ZC3H7B: variants seen among roughly 807,000 people sequenced by gnomAD.
ZC3H7B encodes zinc finger CCCH-type containing 7B, also known as zinc finger CCCH domain-containing protein 7B.
ZC3H7B carries 35 observed loss-of-function variants against 116.0 expected under a neutral mutation model. That is an observed-to-expected ratio of 0.30 (90% CI 0.23 to 0.40). ZC3H7B has a LOEUF of 0.40. ZC3H7B is among the 10% of genes least tolerant of loss of function. ZC3H7B has a pLI of 1.00. For missense variants in ZC3H7B, 1,011 were observed against 1,321.5 expected, an observed-to-expected ratio of 0.77 and a Z score of 3.64; for synonymous variants, 502 against 545.6, an observed-to-expected ratio of 0.92 and a Z score of 1.11.
chr22:41,330,970 G>A (rs1601778376), intron 6 of ZC3H7B, among the ~76,000 whole-genome samples: 3 of 141,830 alleles, frequency 2.1e-5, no homozygotes, highest in African/African-American at 5.2e-5. Flanking sequence ...CCGGGTTCAC[G>A]CCATTCTTCT....
intron 1 of ZC3H7B, among the ~76,000 whole-genome samples, chr22:41,317,955 C>T (rs2036206020): frequency 6.6e-6 from 1 of 152,204 alleles, no homozygotes; most frequent in South Asian, 2.1e-4. Flanking sequence ...AATAACTTTC[C>T]TAGCCTCTTG....
rs1237759511 is a variant in ZC3H7B, at chr22:41,358,802, A to C, written c.*1373A>C. 1.3e-5 allele frequency: 2 copies of C among 154,418 alleles called. No homozygotes were observed. Among genetic ancestry groups the C allele is most frequent in the African/African-American group, 4.9e-5 (2 of 41,232 alleles). The allele number at this position is 154,418 out of a possible 1,614,324, so 9.6% of individuals were successfully genotyped here. A position where few individuals can be genotyped will look rare whatever the true frequency, so the allele number is the denominator to read the frequency against. Reference sequence around the variant, plus strand: ...CTCCTCTCCACCCTACCTTCCATCAACCAGGGCAGATCCACCGTGCCCTGG... The same window carrying C: ...CTCCTCTCCACCCTACCTTCCATCACCCAGGGCAGATCCACCGTGCCCTGG... On this transcript the variant is annotated 3_prime_UTR_variant, in exon 23 of 23. Coordinates refer to ENST00000352645, the MANE Select transcript of ZC3H7B (RefSeq NM_017590.6).
intron 15 of ZC3H7B, among the ~76,000 whole-genome samples, 192 bp downstream of exon 15, chr22:41,348,359 T>TCGA (rs1298335124): frequency 6.6e-6 from 1 of 152,226 alleles, no homozygotes; most frequent in Non-Finnish European, 1.5e-5. Context: ...ATCTACTATA[T>TCGA]TCCAAGCGTC....
At chr22:41,343,664 C>G (rs552755283) in intron 13 of ZC3H7B, 88 bp downstream of exon 13, 10 of 1,448,366 alleles carry the variant, frequency 6.9e-6, no homozygotes, top group Non-Finnish European at 9.1e-6. Flanking sequence ...CACAGGTAGA[C>G]AGAACAGGGG....
chr22:41,306,014 A>AAAGCCAGAG, intron 1 of ZC3H7B, among the ~76,000 whole-genome samples: 1 of 152,328 alleles, frequency 6.6e-6, no homozygotes, highest in Admixed American at 6.5e-5. Context: ...GATAGGTTGA[A>AAAGCCAGAG]AAGCCAGAGA....
chr22:41,303,503 A>T (rs541096080), intron 1 of ZC3H7B, among the ~76,000 whole-genome samples: 4 of 152,212 alleles, frequency 2.6e-5, no homozygotes, highest in Non-Finnish European at 5.9e-5. Flanking sequence ...CCTCAATCTG[A>T]AAATAATAAT....
Position 41,357,910 on chromosome 22 carries a change from C to G in ZC3H7B, c.*481C>G, listed in dbSNP as rs886193660. Reference sequence around the variant, plus strand: ...GGCCCCATTAGCTTTAAAATGTAGCCCCAGGTTGGAGCTGGGAACACTGTA... The same window carrying G: ...GGCCCCATTAGCTTTAAAATGTAGCGCCAGGTTGGAGCTGGGAACACTGTA... On this transcript the variant is annotated 3_prime_UTR_variant, in exon 23 of 23. Coordinates refer to ENST00000352645, the MANE Select transcript of ZC3H7B (RefSeq NM_017590.6). The surrounding 1 kb of genome is among the most constrained non-coding windows in gnomAD (Gnocchi z 5.4). 1 of 176,520 alleles carries G rather than the reference C, an allele frequency of 5.7e-6. No individual in the cohort carries two copies. The highest frequency in any genetic ancestry group is 2.4e-5 in the African/African-American group (1 of 42,272). The allele number at this position is 176,520 out of a possible 1,614,324, so 10.9% of individuals were successfully genotyped here.
At chr22:41,310,500 G>A (rs6002324) in intron 1 of ZC3H7B, among the ~76,000 whole-genome samples, 2,668 of 152,172 alleles carry the variant, frequency 0.018, 76 homozygotes, top group African/African-American at 0.061. Flanking sequence ...ACGAAAGCAA[G>A]CAGAGCAGCA....
intron 1 of ZC3H7B, among the ~76,000 whole-genome samples, chr22:41,317,878 C>G (rs113468446): frequency 1.7e-3 from 263 of 152,322 alleles, no homozygotes; most frequent in African/African-American, 6.0e-3. Context: ...CATTGTTAAT[C>G]AGGCTGCCTG....
chr22:41,356,791 G>A lies in ZC3H7B; in HGVS notation c.2664G>A (p.Glu888=). The change falls in exon 22 of 23, where the codon GAG becomes GAA. Residue 888 remains glutamate, a synonymous_variant. Transcript: ENST00000352645. ...SGWAFRFPMG[E]FRLCDRLQKG... ...GGGCCTTCCGCTTCCCCATGGGCGA[G>A]TTCCGGCTCTGCGACAGGTGCTCCT... 1.9e-6 allele frequency: 3 copies of A among 1,613,468 alleles called. No individual in the cohort carries two copies. The highest frequency in any genetic ancestry group is 2.5e-6 in the Non-Finnish European group (3 of 1,179,966).
intron 2 of ZC3H7B, among the ~76,000 whole-genome samples, chr22:41,325,069 T>C (rs2036300593): frequency 6.6e-6 from 1 of 152,194 alleles, no homozygotes; most frequent in African/African-American, 2.4e-5. Flanking sequence ...TCCTCCCTCC[T>C]TCCCCTCATG....
chr22:41,356,362 C>T lies in ZC3H7B; in HGVS notation c.2403C>T (p.Thr801=), dbSNP rs1359072898. The part of the protein sequence containing the change: ...KENKILDMQQ[T]YDMWLKKHNP... ...GCCCAGTCCTGGACATGCAGCAGAC[C>T]TATGACATGTGGCTGAAAAAACACA... Residue 801 remains threonine (T), a synonymous_variant, in exon 21 of 23, where the codon ACC becomes ACT. Transcript: ENST00000352645. 6.2e-7 allele frequency: 1 copy of T among 1,614,126 alleles called. No homozygotes were observed. The highest frequency in any genetic ancestry group is 8.5e-7 in the Non-Finnish European group (1 of 1,180,040).
chr22:41,316,662 G>A (rs568656949), intron 1 of ZC3H7B, among the ~76,000 whole-genome samples: 34 of 132,336 alleles, frequency 2.6e-4, no homozygotes, highest in Non-Finnish European at 4.2e-4. Flanking sequence ...GCAGTGGCAC[G>A]ATCACGGTTC....
In ZC3H7B at chr22:41,342,608, A is replaced by G. The variant is rs1434901315; in HGVS notation, c.1277A>G (p.Gln426Arg). Residue 426 changes from glutamine (Q) to arginine (R), a missense_variant, in exon 12 of 23, where the codon CAG (glutamine) becomes CGG (arginine). By Grantham distance (43) the Gln-to-Arg change is conservative (BLOSUM62 1). Transcript: ENST00000352645. ...ACCCACGAGTTCAAGCAGGCCTGCC[A>G]GCTCTGCTACCCCAAGACAGGTAAA... ...AATHEFKQAC[Q>R]LCYPKTGPRA... 1 of 1,612,816 alleles carries G rather than the reference A, an allele frequency of 6.2e-7. No homozygotes were observed. Among genetic ancestry groups the G allele is most frequent in the Non-Finnish European group, 8.5e-7 (1 of 1,179,878 alleles).
chr22:41,349,273 C>G lies in ZC3H7B; in HGVS notation c.1920C>G (p.Leu640=). ...ACTTCGCCCACAGCTTCATCGAGCT[C>G]AAGGTCTGGCTGCTGCAGCAGTACT... ...SCHFAHSFIE[L]KVWLLQQYSG... The change falls in exon 16 of 23, where the codon CTC becomes CTG. Residue 640 remains leucine (L), a synonymous_variant. Transcript: ENST00000352645. This position sits in a 1 kb window ranked among gnomAD's most constrained non-coding sequence, Gnocchi z 4.9. The G allele has an allele frequency of 1.2e-6, 2 of 1,613,740 alleles. No homozygotes were observed. Among genetic ancestry groups the G allele is most frequent in the Non-Finnish European group, 8.5e-7 (1 of 1,179,984 alleles).
At chr22:41,319,212 T>C (rs139486946) in intron 1 of ZC3H7B, among the ~76,000 whole-genome samples, 2,087 of 152,098 alleles carry the variant, frequency 0.014, 51 homozygotes, top group African/African-American at 0.045. Flanking sequence ...CCATCCTGGC[T>C]AACACGGTGA....
At chr22:41,322,893 C>T (rs932849788) in intron 2 of ZC3H7B, among the ~76,000 whole-genome samples, 5 of 152,108 alleles carry the variant, frequency 3.3e-5, no homozygotes, top group African/African-American at 9.7e-5. Flanking sequence ...CAGCCTCCCA[C>T]GTAGCTGGGA....
chr22:41,327,905 C>G lies in ZC3H7B; in HGVS notation c.444+541C>G, dbSNP rs143399947. ...GTGGGAGGCCAAGGCGGGAGGATCA[C>G]TTGAGCTCAGGAGTTTGCAACTAGC... On this transcript the variant is annotated intron_variant, in intron 5 of 22. Transcript: ENST00000352645. The surrounding 1 kb of genome is among the most constrained non-coding windows in gnomAD (Gnocchi z 4.5). 2.4e-4 allele frequency among the ~76,000 whole-genome samples: 36 copies of G among 152,326 alleles called. 1 individual carries two copies. Among genetic ancestry groups the G allele is most frequent in the Admixed American group, 2.1e-3 (32 of 15,292 alleles).
chr22:41,326,175 G>A (rs186012793), intron 4 of ZC3H7B, among the ~76,000 whole-genome samples: 4 of 152,308 alleles, frequency 2.6e-5, no homozygotes, highest in Non-Finnish European at 1.5e-5. Flanking sequence ...CCCTAGCCCT[G>A]CCCTAGATGA....
Sources: gnomAD v4.1 joint callset for allele counts (sites outside exome capture counted in the v4.1 genomes callset) on GRCh38, gnomAD v4.1.1 for gene constraint, Gnocchi (gnomAD v3.1) non-coding constraint, MANE v1.5 for transcripts, NCBI Gene and HGNC (gene_info 2026-07-23, HGNC 2026-07-21) for gene names.